Variants in SEPTIN7 observed in about 807,000 individuals in gnomAD.
SEPTIN7 encodes septin-7.
SEPTIN7 carries 10 observed loss-of-function variants against 63.3 expected under a neutral mutation model. That is an observed-to-expected ratio of 0.16 (90% confidence interval 0.10 to 0.27). SEPTIN7 has a LOEUF of 0.27. Ranked by LOEUF, SEPTIN7 falls within the 10% of genes least tolerant of loss-of-function variation. SEPTIN7 has a pLI of 1.00. For missense variants in SEPTIN7, 310 were observed against 521.0 expected (o/e 0.59, Z 3.94); for synonymous variants, 131 against 165.3 (o/e 0.79, Z 1.59).
intron 1 of SEPTIN7, among the ~76,000 whole-genome samples, chr7:35,825,701 C>T (rs571208216): frequency 5.3e-5 from 8 of 152,118 alleles, no homozygotes; most frequent in South Asian, 2.1e-4. Context: ...CTAGAACACA[C>T]ATATATGCTT....
chr7:35,841,086 C>T (rs2727853), intron 3 of SEPTIN7, among the ~76,000 whole-genome samples: 73,436 of 151,902 alleles, frequency 0.48, 19,453 homozygotes, highest in African/African-American at 0.71. Flanking sequence ...CCAGATGTAG[C>T]GGTGTGCACC....
chr7:35,881,842 TTAA>T (rs1786898430), intron 7 of SEPTIN7, among the ~76,000 whole-genome samples: 1 of 152,010 alleles, frequency 6.6e-6, no homozygotes, highest in African/African-American at 2.4e-5. Flanking sequence ...ATTTCTGATG[TTAA>T]TAATAAGTTG....
intron 6 of SEPTIN7, among the ~76,000 whole-genome samples, chr7:35,878,389 T>G (rs1292286034): frequency 2.0e-5 from 3 of 152,154 alleles, no homozygotes; most frequent in Non-Finnish European, 2.9e-5. Flanking sequence ...GCTGGCACAT[T>G]GGAAGTAGGA....
chr7:35,877,647 A>AT (rs1714864689), intron 6 of SEPTIN7, among the ~76,000 whole-genome samples: 2 of 152,202 alleles, frequency 1.3e-5, no homozygotes, highest in Non-Finnish European at 2.9e-5. Flanking sequence ...GAAACATTCA[A>AT]TTTTAGTCCA....
chr7:35,853,086 A>G (rs1168220014), intron 3 of SEPTIN7, among the ~76,000 whole-genome samples: 6 of 152,132 alleles, frequency 3.9e-5, no homozygotes, highest in Admixed American at 2.0e-4. Flanking sequence ...TTCCTGTTCT[A>G]AATTTTTAAT....
intron 3 of SEPTIN7, among the ~76,000 whole-genome samples, chr7:35,845,728 T>G (rs1007367638): frequency 6.6e-6 from 1 of 152,250 alleles, no homozygotes; most frequent in Non-Finnish European, 1.5e-5. Context: ...ATATTAATGC[T>G]ACCCCTTGCA....
chr7:35,801,359 C>T lies in SEPTIN7; in HGVS notation c.61+89C>T, dbSNP rs1583468763. ...GGCCGCTGGACCGAGCTAGGGAACGCCCTGAGGCGAGGCGGAGGCAGCGGC... is the reference window on the plus strand; with the variant it reads ...GGCCGCTGGACCGAGCTAGGGAACGTCCTGAGGCGAGGCGGAGGCAGCGGC... On this transcript the variant is annotated intron_variant, in intron 1 of 13. Transcript: ENST00000350320. 6 of 1,434,474 alleles carry T rather than the reference C, an allele frequency of 4.2e-6. No homozygotes were observed. In the African/African-American group the frequency reaches 6.0e-5, roughly 14 times the overall value. 88.9% of individuals were successfully genotyped at this position (1,434,474 alleles called of 1,614,324 possible).
intron 12 of SEPTIN7, chr7:35,901,817 T>A (rs571868111): frequency 3.9e-5 from 6 of 152,234 alleles, no homozygotes; most frequent in Middle Eastern, 3.4e-3. Flanking sequence ...TTAAAAAAAA[T>A]AACTAGAGAC....
chr7:35,873,408 ATAT>A (rs1229185337), intron 5 of SEPTIN7, among the ~76,000 whole-genome samples: 1 of 152,200 alleles, frequency 6.6e-6, no homozygotes, highest in African/African-American at 2.4e-5. Context: ...TAATATGCTA[ATAT>A]TTAGCTGTGT....
intron 3 of SEPTIN7, among the ~76,000 whole-genome samples, chr7:35,834,877 T>G (rs1251899357): frequency 1.3e-5 from 2 of 151,952 alleles, no homozygotes; most frequent in Non-Finnish European, 2.9e-5. Flanking sequence ...TCCTCATTTT[T>G]GGGATCTAAA....
downstream of SEPTIN7, among the ~76,000 whole-genome samples, chr7:35,910,552 G>A (rs1487893118): frequency 6.6e-6 from 1 of 152,100 alleles, no homozygotes; most frequent in Admixed American, 6.6e-5. Context: ...AAACAGAGCT[G>A]GTAGCTGTAA....
chr7:35,841,126 CAGG>C (rs1784388510), intron 3 of SEPTIN7, among the ~76,000 whole-genome samples: 1 of 151,968 alleles, frequency 6.6e-6, no homozygotes, highest in South Asian at 2.1e-4. Context: ...GAGGCTGAGG[CAGG>C]AGAATTGCTT....
chr7:35,906,376 G>C lies in SEPTIN7; in HGVS notation c.*2083G>C, dbSNP rs1226710828. ...GTTGACTCCAGGCTTAGGTATATCA[G>C]AAGGTTCTTTTTGCCATTTGGCCTG... On this transcript the variant is annotated 3_prime_UTR_variant, in exon 14 of 14. Coordinates refer to ENST00000350320, the MANE Select transcript of SEPTIN7 (RefSeq NM_001788.6). The C allele has an allele frequency of 6.6e-6, 1 of 152,154 alleles. No individual in the cohort carries two copies. The highest frequency in any genetic ancestry group is 1.5e-5 in the Non-Finnish European group (1 of 68,038). The allele number at this position is 152,154 out of a possible 1,614,324, so 9.4% of individuals were successfully genotyped here.
At chr7:35,882,405 G>T in intron 7 of SEPTIN7, 79 bp from the exon 8 acceptor site, 3 of 1,050,580 alleles carry the variant, frequency 2.9e-6, no homozygotes, top group Non-Finnish European at 3.7e-6. Context: ...TATAGGAATC[G>T]AAGAGGCATG....
chr7:35,851,672 CTA>C (rs1784967399), intron 3 of SEPTIN7, among the ~76,000 whole-genome samples: 1 of 152,072 alleles, frequency 6.6e-6, no homozygotes, highest in South Asian at 2.1e-4. Flanking sequence ...TTATAGTTCT[CTA>C]TTGTTTTGCA....
intron 3 of SEPTIN7, among the ~76,000 whole-genome samples, chr7:35,858,697 T>A (rs2116114059): frequency 6.7e-6 from 1 of 150,214 alleles, no homozygotes; most frequent in African/African-American, 2.4e-5. Flanking sequence ...TTTTTTTTTT[T>A]GAGACAGAGT....
At chr7:35,908,145 T>C (rs981684149), downstream of SEPTIN7, among the ~76,000 whole-genome samples, 1 of 152,208 alleles carries the variant, frequency 6.6e-6, no homozygotes, top group African/African-American at 2.4e-5. Flanking sequence ...TACACCATTC[T>C]TTGTAAGTAA....
At chr7:35,827,249 C>T (rs997858986) in intron 1 of SEPTIN7, among the ~76,000 whole-genome samples, 1 of 152,042 alleles carries the variant, frequency 6.6e-6, no homozygotes, top group Non-Finnish European at 1.5e-5. Context: ...TTTGTAGAAG[C>T]TTGGGTGAAT....
intron 3 of SEPTIN7, among the ~76,000 whole-genome samples, chr7:35,839,833 G>A (rs866665065): frequency 4.3e-4 from 66 of 152,164 alleles, no homozygotes; most frequent in African/African-American, 1.0e-3. Context: ...GATTACAGGC[G>A]TGAGCCATTG....
Sources: allele counts gnomAD v4.1 joint callset (sites outside exome capture counted in the v4.1 genomes callset), GRCh38; gene constraint gnomAD v4.1.1; transcripts MANE v1.5; gene names NCBI Gene and HGNC (gene_info 2026-07-23, HGNC 2026-07-21).